RBFOX1: variants seen among roughly 807,000 people sequenced by gnomAD.
RBFOX1 encodes RNA binding fox-1 homolog 1, also known as RNA binding protein fox-1 homolog 1.
In RBFOX1, 8 loss-of-function variants were observed where a neutral mutation model predicts 57.7. That is an observed-to-expected ratio of 0.14 (90% CI 0.08 to 0.25). The LOEUF is 0.25. RBFOX1 is among the 10% of genes least tolerant of loss of function. The pLI is 1.00. For missense variants in RBFOX1, 611 were observed against 548.5 expected (o/e 1.11, Z -1.14); for synonymous variants, 326 against 222.4 (o/e 1.47, Z -4.15).
At chr16:5,535,999 C>A (rs1195381884) in intron 2 of RBFOX1, among the ~76,000 whole-genome samples, 1 of 152,098 alleles carries the variant, frequency 6.6e-6, no homozygotes, top group Non-Finnish European at 1.5e-5. Flanking sequence ...CAGCCACACA[C>A]CGAAATCTTT....
chr16:7,039,277 C>T (rs545419798), intron 3 of RBFOX1, among the ~76,000 whole-genome samples: 1 of 152,240 alleles, frequency 6.6e-6, no homozygotes, highest in South Asian at 2.1e-4. Flanking sequence ...TAGTACTTAG[C>T]CTTGACAAGC....
intron 3 of RBFOX1, among the ~76,000 whole-genome samples, chr16:6,750,265 G>A (rs1195458193): frequency 6.6e-6 from 1 of 152,194 alleles, no homozygotes; most frequent in East Asian, 1.9e-4. Flanking sequence ...TAGCTGTTAA[G>A]TCATTTGTAT....
At chr16:7,606,505 G>A (rs1342986167) in intron 9 of RBFOX1, among the ~76,000 whole-genome samples, 1 of 152,140 alleles carries the variant, frequency 6.6e-6, no homozygotes, top group Admixed American at 6.5e-5. Context: ...TCTGGAAATT[G>A]TTCCCCTAAA....
intron 1 of RBFOX1, among the ~76,000 whole-genome samples, chr16:6,138,008 A>T (rs1055577630): frequency 3.3e-5 from 5 of 152,194 alleles, no homozygotes; most frequent in African/African-American, 1.2e-4. Context: ...AATCCAACTT[A>T]TCAGGACTGG....
intron 7 of RBFOX1, among the ~76,000 whole-genome samples, chr16:7,587,552 TA>T (rs2152896064): frequency 6.6e-6 from 1 of 152,260 alleles, no homozygotes; most frequent in East Asian, 1.9e-4. Flanking sequence ...TATACATGCT[TA>T]AAAAAATAAT....
intron 3 of RBFOX1, among the ~76,000 whole-genome samples, chr16:6,877,950 C>G (rs935180734): frequency 3.3e-5 from 5 of 151,902 alleles, no homozygotes; most frequent in African/African-American, 1.2e-4. Context: ...CTTGGATTAG[C>G]AAAAAGTAGG....
chr16:7,673,920 C>G (rs541619939), intron 13 of RBFOX1, among the ~76,000 whole-genome samples: 2 of 152,258 alleles, frequency 1.3e-5, no homozygotes, highest in East Asian at 1.9e-4. Flanking sequence ...TGAACATGGT[C>G]TGGTGACAGC....
chr16:5,507,878 G>A (rs1243347407), intron 2 of RBFOX1, among the ~76,000 whole-genome samples: 2 of 152,092 alleles, frequency 1.3e-5, no homozygotes, highest in East Asian at 1.9e-4. Flanking sequence ...AGGGAGTGTG[G>A]CCCTGCTGAC....
At chr16:6,050,525 G>C (rs907676453) in intron 1 of RBFOX1, among the ~76,000 whole-genome samples, 1 of 152,066 alleles carries the variant, frequency 6.6e-6, no homozygotes. Flanking sequence ...TACATTGATC[G>C]ATTGTCTCCC....
At chr16:6,908,026 A>T (rs1270226713) in intron 3 of RBFOX1, among the ~76,000 whole-genome samples, 5 of 151,566 alleles carry the variant, frequency 3.3e-5, no homozygotes, top group African/African-American at 1.2e-4. Context: ...GTCATATTGG[A>T]TTAGGGCCTA....
At chr16:7,693,499 T>C (rs953724396) in intron 14 of RBFOX1, 1 of 701,866 alleles carries the variant, frequency 1.4e-6, no homozygotes, top group South Asian at 2.0e-5. Flanking sequence ...AAAGATCTTA[T>C]ATCTTTGGAG....
chr16:5,514,500 C>T (rs1471631923), intron 2 of RBFOX1, among the ~76,000 whole-genome samples: 1 of 152,152 alleles, frequency 6.6e-6, no homozygotes, highest in African/African-American at 2.4e-5. Flanking sequence ...AGACCTGCCT[C>T]TTTAGTGAGA....
chr16:7,334,305 G>A (rs987913420), intron 4 of RBFOX1, among the ~76,000 whole-genome samples: 5 of 152,074 alleles, frequency 3.3e-5, no homozygotes, highest in Non-Finnish European at 7.3e-5. Context: ...CTGGAGAACG[G>A]TCCTTTGCAG....
chr16:5,784,017 T>C (rs752953332), intron 3 of RBFOX1, among the ~76,000 whole-genome samples: 3 of 152,192 alleles, frequency 2.0e-5, no homozygotes, highest in Non-Finnish European at 4.4e-5. Context: ...AATTTATAAA[T>C]AAAAGAGGTT....
At chr16:5,860,815 G>C (rs993085705) in intron 3 of RBFOX1, among the ~76,000 whole-genome samples, 1 of 152,176 alleles carries the variant, frequency 6.6e-6, no homozygotes, top group Non-Finnish European at 1.5e-5. Flanking sequence ...TCCTCTTGTA[G>C]ATACTGGGAG....
chr16:7,382,850 A>G (rs1214080544), intron 4 of RBFOX1, among the ~76,000 whole-genome samples: 5 of 152,234 alleles, frequency 3.3e-5, no homozygotes, highest in Non-Finnish European at 5.9e-5. Flanking sequence ...CCCTACTTAT[A>G]ATCGTGTAAT....
intron 1 of RBFOX1, among the ~76,000 whole-genome samples, chr16:5,275,091 G>T (rs1470827391): frequency 6.6e-6 from 1 of 152,226 alleles, no homozygotes; most frequent in Admixed American, 6.5e-5. Context: ...CAATCCGCCT[G>T]TCAAGTCCTC....
rs1207320126 is a variant in RBFOX1, at chr16:7,713,034, A to T, written c.*2289A>T. 1 of 152,240 alleles carries T rather than the reference A, an allele frequency of 6.6e-6. No homozygotes were observed. The highest frequency in any genetic ancestry group is 1.5e-5 in the Non-Finnish European group (1 of 68,040). The allele number at this position is 152,240 out of a possible 1,614,324, so 9.4% of individuals were successfully genotyped here. On this transcript the variant is annotated 3_prime_UTR_variant, in exon 16 of 16. Transcript: ENST00000550418. ...GCAGAATCTTTTGTCTAGGCACTCC[A>T]AGATGCCAATAAGTCATTTTAAAAT...
At position 5,745,695 on chromosome 16, in the gene RBFOX1, A is replaced by ATGATGGCCAG. The variant is rs538038313; in HGVS notation, c.319-121603_319-121602insGCCAGTGATG. ...ATTTGCATTTCTCTGATGGCCAGTG[A>ATGATGGCCAG]TGATGAGCATTTTTTCATGTGTCTT... On this transcript the variant is annotated intron_variant, in intron 3 of 19. Coordinates refer to the RBFOX1 transcript ENST00000641259. Among the ~76,000 whole-genome samples the ATGATGGCCAG allele has an allele frequency of 2.8e-3, 433 of 152,320 alleles. 5 individuals carry two copies. Among genetic ancestry groups the ATGATGGCCAG allele is most frequent in the African/African-American group, 0.01 (418 of 41,572 alleles).
Sources: gnomAD v4.1 joint callset for allele counts (sites outside exome capture counted in the v4.1 genomes callset) on GRCh38, gnomAD v4.1.1 for gene constraint, MANE v1.5 for transcripts, NCBI Gene and HGNC (gene_info 2026-07-23, HGNC 2026-07-21) for gene names.